MGAT4C: variants seen among roughly 807,000 people sequenced by gnomAD.
The protein encoded by MGAT4C is MGAT4 family member C.
A neutral mutation model predicts 40.1 loss-of-function variants in MGAT4C; 19 were observed. That is an observed-to-expected ratio of 0.47 (90% CI 0.33 to 0.70). The LOEUF (loss-of-function observed/expected upper bound fraction) is 0.70, where lower values mean the gene tolerates loss of function less well. Among genes scored for constraint, MGAT4C ranks in the 30% least tolerant of loss-of-function variants. The pLI, the probability that MGAT4C is intolerant of heterozygous loss-of-function variation, is 0.02. For synonymous variants in MGAT4C, 181 were observed against 187.1 expected (o/e 0.97, Z 0.27); for missense variants, 491 against 563.2 (o/e 0.87, Z 1.30).
chr12:86,084,336 T>C (rs1871354890), intron 1 of MGAT4C, among the ~76,000 whole-genome samples: 1 of 152,026 alleles, frequency 6.6e-6, no homozygotes, highest in African/African-American at 2.4e-5. Context: ...GTATATGAAG[T>C]ATTGTACCAG....
At chr12:86,395,206 A>G (rs1265565818) in intron 3 of MGAT4C, among the ~76,000 whole-genome samples, 1 of 152,176 alleles carries the variant, frequency 6.6e-6, no homozygotes, top group African/African-American at 2.4e-5. Context: ...TTGAGATCTC[A>G]GATCTAATCA....
intron 1 of MGAT4C, among the ~76,000 whole-genome samples, chr12:86,162,346 T>A (rs1885684993): frequency 6.6e-6 from 1 of 152,068 alleles, no homozygotes; most frequent in Non-Finnish European, 1.5e-5. Flanking sequence ...CTTTGCAGCA[T>A]CATGGATGGA....
chr12:86,453,012 T>C (rs1565773330), intron 2 of MGAT4C, among the ~76,000 whole-genome samples: 2 of 152,300 alleles, frequency 1.3e-5, no homozygotes, highest in Non-Finnish European at 2.9e-5. Context: ...AAAACTCTTA[T>C]TGTTGCTCTT....
At chr12:86,787,805 T>C (rs542106069) in intron 1 of MGAT4C, among the ~76,000 whole-genome samples, 3 of 152,230 alleles carry the variant, frequency 2.0e-5, no homozygotes, top group East Asian at 3.9e-4. Flanking sequence ...TGGAGTGCAA[T>C]GGCATAATCA....
chr12:86,003,675 A>G (rs914307751), intron 2 of MGAT4C, among the ~76,000 whole-genome samples: 1 of 152,166 alleles, frequency 6.6e-6, no homozygotes, highest in African/African-American at 2.4e-5. Context: ...TGTTTTTCTA[A>G]GCTGTATTAA....
At chr12:86,367,733 A>G (rs1469169768) in intron 3 of MGAT4C, among the ~76,000 whole-genome samples, 4 of 152,166 alleles carry the variant, frequency 2.6e-5, no homozygotes, top group Non-Finnish European at 5.9e-5. Context: ...CTGGAGGCAG[A>G]GCTTGCAGTG....
At chr12:86,626,941 G>T (rs1962825798) in intron 2 of MGAT4C, among the ~76,000 whole-genome samples, 1 of 152,210 alleles carries the variant, frequency 6.6e-6, no homozygotes, top group Non-Finnish European at 1.5e-5. Flanking sequence ...AAGTGCAAGG[G>T]GTTGGGGGAT....
At chr12:86,815,092 T>C (rs1952574049) in intron 1 of MGAT4C, among the ~76,000 whole-genome samples, 1 of 151,978 alleles carries the variant, frequency 6.6e-6, no homozygotes, top group Non-Finnish European at 1.5e-5. Context: ...ATCATATTGT[T>C]AGCAAATAGT....
At chr12:86,695,421 T>A (rs1039203205) in intron 2 of MGAT4C, among the ~76,000 whole-genome samples, 3 of 152,188 alleles carry the variant, frequency 2.0e-5, no homozygotes, top group Non-Finnish European at 4.4e-5. Flanking sequence ...CTGCTGAGTA[T>A]ATACTCTAAA....
At chr12:86,199,849 A>G (rs1280213597) in intron 1 of MGAT4C, among the ~76,000 whole-genome samples, 1 of 152,114 alleles carries the variant, frequency 6.6e-6, no homozygotes, top group Non-Finnish European at 1.5e-5. Flanking sequence ...TTGCCAATGA[A>G]TATTTTATAC....
At chr12:86,679,797 C>T (rs1949948076) in intron 2 of MGAT4C, among the ~76,000 whole-genome samples, 1 of 152,034 alleles carries the variant, frequency 6.6e-6, no homozygotes, top group African/African-American at 2.4e-5. Flanking sequence ...TTCTCAGCCT[C>T]CACAACTGTA....
chr12:86,809,789 C>G (rs890279546), intron 1 of MGAT4C, among the ~76,000 whole-genome samples: 1 of 151,838 alleles, frequency 6.6e-6, no homozygotes, highest in Non-Finnish European at 1.5e-5. Context: ...ATGAGTTTGG[C>G]AAATATTTTT....
chr12:86,263,031 G>A (rs1347875058), intron 4 of MGAT4C, among the ~76,000 whole-genome samples: 6 of 151,830 alleles, frequency 4.0e-5, no homozygotes, highest in African/African-American at 1.2e-4. Context: ...CTATATAAAG[G>A]TGAAAGCTTT....
chr12:86,085,057 A>G (rs1217522666), intron 1 of MGAT4C, among the ~76,000 whole-genome samples: 1 of 152,084 alleles, frequency 6.6e-6, no homozygotes, highest in Non-Finnish European at 1.5e-5. Context: ...ATATCTGAAA[A>G]GCCATGCACT....
chr12:86,252,970 A>G (rs1298422363), intron 1 of MGAT4C, among the ~76,000 whole-genome samples: 1 of 151,982 alleles, frequency 6.6e-6, no homozygotes, highest in East Asian at 1.9e-4. Context: ...AGTATGAGTT[A>G]TAAAATAATT....
At chr12:86,464,441 C>T (rs1044973147) in intron 2 of MGAT4C, among the ~76,000 whole-genome samples, 48 of 152,146 alleles carry the variant, frequency 3.2e-4, no homozygotes, top group Admixed American at 5.2e-4. Context: ...ATCATTAAAA[C>T]GTGCACACCT....
intron 2 of MGAT4C, among the ~76,000 whole-genome samples, chr12:86,627,937 C>G (rs1476711371): frequency 1.3e-5 from 2 of 151,156 alleles, no homozygotes; most frequent in Non-Finnish European, 3.0e-5. Flanking sequence ...TCAGTAATAA[C>G]AAACTTCCCT....
intron 1 of MGAT4C, among the ~76,000 whole-genome samples, chr12:86,232,113 C>G (rs1331106968): frequency 7.5e-6 from 1 of 133,286 alleles, no homozygotes; most frequent in African/African-American, 2.9e-5. Flanking sequence ...CCAGCCTGGG[C>G]GACAGAGCGA....
chr12:86,652,484 A>G (rs1223596402), intron 2 of MGAT4C, among the ~76,000 whole-genome samples: 1 of 151,904 alleles, frequency 6.6e-6, no homozygotes, highest in African/African-American at 2.4e-5. Context: ...AGCTGTTTAC[A>G]TGAAGCAAGA....
Sources: allele counts gnomAD v4.1 joint callset (sites outside exome capture counted in the v4.1 genomes callset), GRCh38; gene constraint gnomAD v4.1.1; transcripts MANE v1.5; gene names NCBI Gene and HGNC (gene_info 2026-07-23, HGNC 2026-07-21).